The following PCDH15 variants were observed in gnomAD, a reference collection of about 807,000 sequenced individuals.
PCDH15 encodes protocadherin-15.
A neutral mutation model predicts 178.5 loss-of-function variants in PCDH15; 129 were observed. That is an observed-to-expected ratio of 0.72 (90% CI 0.63 to 0.84). The LOEUF (loss-of-function observed/expected upper bound fraction) is 0.84, where lower values mean the gene tolerates loss of function less well. PCDH15 is among the 40% of genes least tolerant of loss of function. The pLI is 0.00. For synonymous variants in PCDH15, 800 were observed against 732.0 expected, an observed-to-expected ratio of 1.09 and a Z score of -1.50; for missense variants, 2,230 against 2,099.9, an observed-to-expected ratio of 1.06 and a Z score of -1.21.
rs188467443 is a variant in PCDH15 at position 54,037,321 on chromosome 10, G to A, written c.2221-14124C>T. On this transcript the variant is annotated intron_variant, in intron 18 of 37. Transcript: ENST00000644397. ...AGCTACAGAAAAAAATTTAATGAAA[G>A]CAAGAAGTATTCAATGCAGCACAAT... Among the ~76,000 whole-genome samples the A allele has an allele frequency of 1.3e-4, 19 of 151,944 alleles. No individual in the cohort carries two copies. The East Asian group carries it at 3.7e-3, about 30-fold the overall frequency.
At chr10:55,196,869 GCTACT>G (rs1429232440) in intron 1 of PCDH15, among the ~76,000 whole-genome samples, 1 of 151,898 alleles carries the variant, frequency 6.6e-6, no homozygotes, top group Non-Finnish European at 1.5e-5. Context: ...AGCGAGAATA[GCTACT>G]CTAACTTTTT....
intron 25 of PCDH15, among the ~76,000 whole-genome samples, chr10:53,925,052 T>A (rs2084377775): frequency 6.6e-6 from 1 of 152,078 alleles, no homozygotes; most frequent in African/African-American, 2.4e-5. Context: ...AGGATGTGGG[T>A]GGGGCCACAT....
intron 8 of PCDH15, among the ~76,000 whole-genome samples, chr10:54,309,857 T>C (rs754069745): frequency 6.6e-6 from 1 of 151,920 alleles, no homozygotes. Context: ...AGTTAGGATA[T>C]AATGACAAAG....
chr10:54,658,122 T>C (rs960534817), intron 2 of PCDH15, among the ~76,000 whole-genome samples: 3 of 151,988 alleles, frequency 2.0e-5, no homozygotes, highest in African/African-American at 7.2e-5. Flanking sequence ...AACAAATCCT[T>C]CAAGAAATAT....
In PCDH15 at chr10:55,206,791, T is replaced by C. The variant is rs544759222; in HGVS notation, c.-155-40140A>G. On this transcript the variant is annotated intron_variant, in intron 1 of 5. Transcript: ENST00000458638. ...AATCAGAGGTCTTTAAATATCTGAG[T>C]ACTTAAATATGGAATCAAAGTTATT... Among the ~76,000 whole-genome samples the C allele has an allele frequency of 6.5e-4, 99 of 152,230 alleles. 1 individual carries two copies. In the South Asian group the frequency reaches 0.019, roughly 30 times the overall value.
intron 2 of PCDH15, among the ~76,000 whole-genome samples, chr10:55,402,149 A>G (rs1056780787): frequency 3.3e-5 from 5 of 151,040 alleles, no homozygotes; most frequent in Non-Finnish European, 5.9e-5. Context: ...AATTTGCAAA[A>G]TAAGCCCATT....
At chr10:54,994,452 T>C (rs1394188289) in intron 2 of PCDH15, among the ~76,000 whole-genome samples, 3 of 152,134 alleles carry the variant, frequency 2.0e-5, no homozygotes, top group African/African-American at 4.8e-5. Context: ...AAATACTATA[T>C]CTAGAAAATA....
At chr10:54,148,330 G>T (rs1188548270) in intron 14 of PCDH15, among the ~76,000 whole-genome samples, 1 of 151,952 alleles carries the variant, frequency 6.6e-6, no homozygotes, top group Non-Finnish European at 1.5e-5. Flanking sequence ...ACTAAAATCT[G>T]CAGATAATCA....
chr10:54,367,525 G>A (rs1394394795), intron 5 of PCDH15, among the ~76,000 whole-genome samples: 2 of 151,922 alleles, frequency 1.3e-5, no homozygotes, highest in African/African-American at 2.4e-5. Flanking sequence ...GGATGAGGCT[G>A]GAAACCGTCA....
At chr10:53,894,200 C>T (rs188081283) in intron 26 of PCDH15, among the ~76,000 whole-genome samples, 9 of 152,150 alleles carry the variant, frequency 5.9e-5, no homozygotes, top group Admixed American at 3.9e-4. Flanking sequence ...CACAGATAAA[C>T]GATAACAGTA....
At chr10:54,259,293 GC>G (rs1175085678) in intron 8 of PCDH15, among the ~76,000 whole-genome samples, 1 of 152,110 alleles carries the variant, frequency 6.6e-6, no homozygotes, top group African/African-American at 2.4e-5. Flanking sequence ...TCTTCTACCG[GC>G]CCCTGTCTGG....
intron 3 of PCDH15, among the ~76,000 whole-genome samples, chr10:54,461,104 C>T (rs961422952): frequency 4.0e-5 from 6 of 151,790 alleles, no homozygotes; most frequent in Non-Finnish European, 1.5e-5. Flanking sequence ...GGTATTCATG[C>T]TCGACTATGC....
At chr10:53,887,600 T>C (rs2081185193) in intron 26 of PCDH15, among the ~76,000 whole-genome samples, 1 of 152,156 alleles carries the variant, frequency 6.6e-6, no homozygotes, top group South Asian at 2.1e-4. Flanking sequence ...TAAAAACTCA[T>C]TAAACAGGTC....
chr10:53,870,980 G>A (rs1430610168), intron 26 of PCDH15, among the ~76,000 whole-genome samples: 1 of 151,924 alleles, frequency 6.6e-6, no homozygotes, highest in African/African-American at 2.4e-5. Context: ...TTTTTTGCTT[G>A]TTTTTTGCAT....
intron 1 of PCDH15, among the ~76,000 whole-genome samples, chr10:54,693,116 A>G (rs1159320356): frequency 2.0e-5 from 3 of 151,878 alleles, no homozygotes; most frequent in Admixed American, 2.0e-4. Flanking sequence ...ACTCCCACTT[A>G]TGAGTGAGAA....
In PCDH15 at chr10:53,917,705, A is replaced by G. The variant is rs554917446; in HGVS notation, c.3374-14335T>C. ...AGAAGAATCCATCAAAAAGAAATGA[A>G]CACACTGATACGGTTTGGATGTTTG... On this transcript the variant is annotated intron_variant, in intron 25 of 37. Coordinates refer to ENST00000644397, the MANE Select transcript of PCDH15 (RefSeq NM_001384140.1). Among the ~76,000 whole-genome samples the G allele has an allele frequency of 1.7e-4, 26 of 152,296 alleles. No individual in the cohort carries two copies. The South Asian group carries it at 2.7e-3, about 16-fold the overall frequency.
chr10:53,808,804 C>T, intron 37 of PCDH15: 2 of 1,611,802 alleles, frequency 1.2e-6, no homozygotes, highest in South Asian at 1.1e-5. Context: ...TCCAGACTGA[C>T]TTTCGCTACT....
At chr10:54,400,411 C>A (rs1951785710) in intron 3 of PCDH15, among the ~76,000 whole-genome samples, 1 of 151,996 alleles carries the variant, frequency 6.6e-6, no homozygotes, top group South Asian at 2.1e-4. Flanking sequence ...TTATTTTTCA[C>A]TCTACTAGCC....
At chr10:54,693,902 G>A (rs551430937) in intron 1 of PCDH15, among the ~76,000 whole-genome samples, 2 of 151,880 alleles carry the variant, frequency 1.3e-5, no homozygotes, top group South Asian at 2.1e-4. Context: ...AAACCAAACC[G>A]AAACAAAAAA....
Sources: allele counts gnomAD v4.1 joint callset (sites outside exome capture counted in the v4.1 genomes callset), GRCh38; gene constraint gnomAD v4.1.1; transcripts MANE v1.5; gene names NCBI Gene and HGNC (gene_info 2026-07-23, HGNC 2026-07-21).